Variants in TMEM74 observed in about 807,000 individuals in gnomAD.
TMEM74 encodes transmembrane protein 74.
A neutral mutation model predicts 18.1 loss-of-function variants in TMEM74; 13 were observed. The ratio of observed to expected loss-of-function variants is 0.72; its 90% confidence interval spans 0.47 to 1.14. The LOEUF is 1.14. TMEM74 is among the 50% of genes most tolerant of loss of function. The pLI, the probability that TMEM74 is intolerant of heterozygous loss-of-function variation, is 0.00. For synonymous variants in TMEM74, 159 were observed against 146.6 expected, an observed-to-expected ratio of 1.08 and a Z score of -0.61; for missense variants, 372 against 375.9, an observed-to-expected ratio of 0.99 and a Z score of 0.09.
At chr8:108,648,455 C>A (rs1365019815) in intron 2 of TMEM74, among the ~76,000 whole-genome samples, 2 of 152,086 alleles carry the variant, frequency 1.3e-5, no homozygotes, top group African/African-American at 4.8e-5. Context: ...CAAAGATGTC[C>A]ATATCCTAAT....
intron 1 of TMEM74, among the ~76,000 whole-genome samples, chr8:108,741,225 T>A (rs1434403780): frequency 1.3e-5 from 2 of 152,186 alleles, no homozygotes; most frequent in Non-Finnish European, 2.9e-5. Context: ...AGGTGGCTGC[T>A]AATCTTTGCA....
At chr8:108,753,085 A>T (rs1225410922) in intron 1 of TMEM74, among the ~76,000 whole-genome samples, 1 of 152,074 alleles carries the variant, frequency 6.6e-6, no homozygotes, top group Admixed American at 6.6e-5. Flanking sequence ...TTTCTGAAAC[A>T]ATCTTTTGAA....
intron 1 of TMEM74, among the ~76,000 whole-genome samples, chr8:108,737,269 G>A (rs1192474040): frequency 2.6e-5 from 4 of 152,120 alleles, no homozygotes; most frequent in South Asian, 2.1e-4. Context: ...TGATGAGGAC[G>A]TAATATGTAT....
intron 1 of TMEM74, among the ~76,000 whole-genome samples, chr8:108,721,056 A>G (rs1290121851): frequency 6.6e-6 from 1 of 152,226 alleles, no homozygotes; most frequent in Non-Finnish European, 1.5e-5. Flanking sequence ...GGCGTGAGCC[A>G]CCGTGCCTGG....
At chr8:108,615,196 C>T (rs949319845) in intron 2 of TMEM74, among the ~76,000 whole-genome samples, 1 of 152,196 alleles carries the variant, frequency 6.6e-6, no homozygotes, top group African/African-American at 2.4e-5. Flanking sequence ...ACGGAAGCTA[C>T]AGAGAGGGCA....
At chr8:108,608,066 G>A (rs1014830641) in intron 3 of TMEM74, among the ~76,000 whole-genome samples, 1 of 152,070 alleles carries the variant, frequency 6.6e-6, no homozygotes, top group Non-Finnish European at 1.5e-5. Flanking sequence ...CACTTTGGGA[G>A]GCCGAGGCGG....
In TMEM74 at chr8:108,780,729, G is replaced by T. The variant is rs1391188651; in HGVS notation, c.*3452C>A. Among the ~76,000 whole-genome samples the T allele has an allele frequency of 6.6e-6, 1 of 152,152 alleles. No homozygotes were observed. The highest frequency in any genetic ancestry group is 1.5e-5 in the Non-Finnish European group (1 of 68,022). ...ATCAAGGGTTATAGCAGTCATGTGG[G>T]TAAAAGCAACCATGGCCTCCAAGAA... On this transcript the variant is annotated 3_prime_UTR_variant, in exon 2 of 2. Coordinates refer to ENST00000297459, the MANE Select transcript of TMEM74 (RefSeq NM_153015.3).
At chr8:108,651,515 C>A (rs1223861905) in intron 2 of TMEM74, among the ~76,000 whole-genome samples, 1 of 151,832 alleles carries the variant, frequency 6.6e-6, no homozygotes, top group Non-Finnish European at 1.5e-5. Flanking sequence ...GGAATGAATG[C>A]CTAGGAAAGA....
At chr8:108,613,090 A>G (rs149975674) in intron 2 of TMEM74, among the ~76,000 whole-genome samples, 102 of 152,320 alleles carry the variant, frequency 6.7e-4, no homozygotes, top group Middle Eastern at 6.8e-3. Context: ...CTTCTTTCAT[A>G]TTCAAATGGA....
chr8:108,766,790 G>A (rs1244217707), intron 1 of TMEM74, among the ~76,000 whole-genome samples: 1 of 152,182 alleles, frequency 6.6e-6, no homozygotes, highest in African/African-American at 2.4e-5. Flanking sequence ...GAAGCCGCCA[G>A]CGCAGCTTTC....
intron 1 of TMEM74, among the ~76,000 whole-genome samples, chr8:108,760,778 A>G (rs1438690422): frequency 6.6e-6 from 1 of 151,978 alleles, no homozygotes; most frequent in Non-Finnish European, 1.5e-5. Flanking sequence ...ACCATGATCT[A>G]TAGTGAACCT....
intron 1 of TMEM74, among the ~76,000 whole-genome samples, chr8:108,658,057 A>G (rs1031058833): frequency 3.3e-5 from 5 of 150,942 alleles, no homozygotes; most frequent in African/African-American, 1.2e-4. Flanking sequence ...AAGACCCCAA[A>G]TCATCGCAGA....
intron 2 of TMEM74, among the ~76,000 whole-genome samples, chr8:108,615,373 C>T (rs1403508441): frequency 1.3e-5 from 2 of 152,184 alleles, no homozygotes; most frequent in African/African-American, 2.4e-5. Flanking sequence ...GGAAATTTCC[C>T]TCATAGAAAT....
chr8:108,626,192 A>C (rs1188735247), intron 2 of TMEM74, among the ~76,000 whole-genome samples: 3 of 152,026 alleles, frequency 2.0e-5, no homozygotes, highest in Non-Finnish European at 4.4e-5. Flanking sequence ...ACATTATTAC[A>C]TTATTTCTAA....
chr8:108,705,985 G>A (rs1586267885), intron 1 of TMEM74, among the ~76,000 whole-genome samples: 1 of 152,146 alleles, frequency 6.6e-6, no homozygotes, highest in South Asian at 2.1e-4. Context: ...AAACAGCAGA[G>A]CCCCAGCCAC....
chr8:108,767,953 C>A (rs1181204786), intron 1 of TMEM74, among the ~76,000 whole-genome samples: 1 of 152,018 alleles, frequency 6.6e-6, no homozygotes, highest in East Asian at 1.9e-4. Context: ...TGATACGCTT[C>A]CACATGTATT....
intron 1 of TMEM74, among the ~76,000 whole-genome samples, chr8:108,682,980 A>G (rs896182633): frequency 6.6e-6 from 1 of 151,968 alleles, no homozygotes; most frequent in Non-Finnish European, 1.5e-5. Flanking sequence ...AAAATGAAGC[A>G]AGAAAAAAGA....
intron 2 of TMEM74, among the ~76,000 whole-genome samples, chr8:108,623,082 C>T (rs928400965): frequency 1.3e-5 from 2 of 151,992 alleles, no homozygotes; most frequent in Admixed American, 6.6e-5. Flanking sequence ...TCTACCTTCA[C>T]AGAGAAAAAA....
intron 1 of TMEM74, among the ~76,000 whole-genome samples, chr8:108,770,026 C>G (rs1563547425): frequency 6.6e-6 from 1 of 151,532 alleles, no homozygotes; most frequent in Non-Finnish European, 1.5e-5. Context: ...CATATCTTAG[C>G]TTTTTATTGC....
Sources: gnomAD v4.1 joint callset for allele counts (sites outside exome capture counted in the v4.1 genomes callset) on GRCh38, gnomAD v4.1.1 for gene constraint, MANE v1.5 for transcripts, NCBI Gene and HGNC (gene_info 2026-07-23, HGNC 2026-07-21) for gene names.